The following SUPT16H variants were observed in gnomAD, a reference collection of about 807,000 sequenced individuals.
SUPT16H encodes SPT16 homolog, facilitates chromatin remodeling subunit.
A neutral mutation model predicts 136.2 loss-of-function variants in SUPT16H; 24 were observed. The ratio of observed to expected loss-of-function variants is 0.18; its 90% CI spans 0.13 to 0.25. The LOEUF is 0.25. Among genes scored for constraint, SUPT16H ranks in the 10% least tolerant of loss-of-function variants. The probability of loss-of-function intolerance (pLI) is 1.00; values close to 1 mark genes in which losing one functional copy is unlikely to be tolerated. For synonymous variants in SUPT16H, 415 were observed against 428.2 expected (o/e 0.97, Z 0.38); for missense variants, 623 against 1,270.2 (o/e 0.49, Z 7.74).
intron 2 of SUPT16H, chr14:21,372,336 A>C (rs1184414684): frequency 2.8e-6 from 1 of 353,520 alleles, no homozygotes; most frequent in Non-Finnish European, 5.2e-6. Context: ...TATAGGAAGT[A>C]TATCAATGTT....
At chr14:21,375,976 C>T (rs60066499) in intron 1 of SUPT16H, among the ~76,000 whole-genome samples, 5 of 152,212 alleles carry the variant, frequency 3.3e-5, no homozygotes, top group Non-Finnish European at 7.3e-5. Context: ...TATACTTCTT[C>T]TACAAGGGTT....
At position 21,369,666 on chromosome 14, in the gene SUPT16H, C is replaced by G. The variant is rs1322602158; in HGVS notation, c.630+84G>C. On this transcript the variant is annotated intron_variant, in intron 5 of 25. Transcript: ENST00000216297. ...GTGTCAGTCTTAATTTCAAAGGAAG[C>G]TGAAGAACACACCAACAGATTTGCA... The G allele has an allele frequency of 3.1e-5, 48 of 1,540,956 alleles. No homozygotes were observed. The East Asian group carries it at 1.0e-3, about 33-fold the overall frequency.
In SUPT16H at chr14:21,353,844, G is replaced by A. The variant is rs767138968; in HGVS notation, c.2791-12C>T. On this transcript the variant is annotated splice_polypyrimidine_tract_variant and intron_variant, in intron 23 of 25. Coordinates refer to ENST00000216297, the MANE Select transcript of SUPT16H (RefSeq NM_007192.4). ...TCAGCATCACTCCCCTGGTGAGTTA[G>A]AGCATAATACTGATTTTTTTTTGAC... 62 of 1,610,382 alleles carry A rather than the reference G, an allele frequency of 3.9e-5. No individual in the cohort carries two copies. Among genetic ancestry groups the A allele is most frequent in the Non-Finnish European group, 9.3e-6 (11 of 1,178,754 alleles).
At chr14:21,363,200 C>T (rs773004294) in intron 12 of SUPT16H, 33 bp downstream of exon 12, 12 of 1,613,878 alleles carry the variant, frequency 7.4e-6, no homozygotes, top group Admixed American at 3.3e-5. Context: ...ATATGACAGC[C>T]GAGATCAATG....
intron 12 of SUPT16H, 22 bp downstream of exon 12, chr14:21,363,211 T>C (rs774451563): frequency 1.2e-6 from 2 of 1,614,142 alleles, no homozygotes; most frequent in Non-Finnish European, 8.5e-7. Context: ...GAGATCAATG[T>C]AATTTAAAAT....
chr14:21,358,055 A>AC, intron 20 of SUPT16H, 53 bp from the exon 21 acceptor site: 1 of 1,495,116 alleles, frequency 6.7e-7, no homozygotes, highest in Non-Finnish European at 9.3e-7. Context: ...GACTGCTCCT[A>AC]CCACAACAGA....
chr14:21,372,748 A>G (rs1886815261), intron 2 of SUPT16H: 2 of 421,402 alleles, frequency 4.7e-6, no homozygotes, highest in South Asian at 3.4e-5. Context: ...ATTTTGTTTA[A>G]CTCACTGTTA....
At chr14:21,361,311 CTTTTTTTTT>C (rs35486887) in intron 15 of SUPT16H, 98 bp from the exon 16 acceptor site, 59 of 462,166 alleles carry the variant, frequency 1.3e-4, no homozygotes, top group East Asian at 3.1e-4. Context: ...CTCTACTTTG[CTTTTTTTTT>C]TTTTTTTTTT....
At chr14:21,381,562 GTTT>G (rs567730182) in intron 1 of SUPT16H, among the ~76,000 whole-genome samples, 1 of 145,020 alleles carries the variant, frequency 6.9e-6, no homozygotes. Context: ...AGTCATAACA[GTTT>G]TTTTTTTTAA....
intron 22 of SUPT16H, among the ~76,000 whole-genome samples, chr14:21,355,364 G>C (rs1054827877): frequency 2.0e-5 from 3 of 151,934 alleles, no homozygotes; most frequent in Non-Finnish European, 4.4e-5. Flanking sequence ...ATGGTAGCAC[G>C]CGCCTGTAGT....
At chr14:21,382,176 T>C (rs1392814635) in intron 1 of SUPT16H, among the ~76,000 whole-genome samples, 2 of 152,208 alleles carry the variant, frequency 1.3e-5, no homozygotes, top group Non-Finnish European at 2.9e-5. Context: ...GAAAGTCTTA[T>C]TCAAGTAAGT....
At chr14:21,377,076 G>GAAAAAA in intron 1 of SUPT16H, among the ~76,000 whole-genome samples, 519 of 110,586 alleles carry the variant, frequency 4.7e-3, no homozygotes, top group African/African-American at 8.6e-3. Context: ...GAAAGAAAAA[G>GAAAAAA]AAAAAAAAAA....
At chr14:21,383,805 GGTT>G (rs1887106622) in intron 1 of SUPT16H, 54 bp downstream of exon 1, 2 of 1,594,890 alleles carry the variant, frequency 1.3e-6, no homozygotes, top group South Asian at 2.2e-5. Context: ...CGAGAAACAG[GGTT>G]ATTATGGGAT....
At chr14:21,363,679 TTC>T (rs1886605832) in intron 10 of SUPT16H, among the ~76,000 whole-genome samples, 176 bp from the exon 11 acceptor site, 1 of 152,204 alleles carries the variant, frequency 6.6e-6, no homozygotes, top group African/African-American at 2.4e-5. Flanking sequence ...ACAATTTTTT[TTC>T]TTTTTCTTTT....
At chr14:21,378,277 A>G (rs1886948354) in intron 1 of SUPT16H, among the ~76,000 whole-genome samples, 1 of 152,224 alleles carries the variant, frequency 6.6e-6, no homozygotes, top group African/African-American at 2.4e-5. Flanking sequence ...TTTATTGGAA[A>G]AAATTAAGGC....
At chr14:21,373,537 C>A in intron 1 of SUPT16H, 107 bp from the exon 2 acceptor site, 1 of 892,318 alleles carries the variant, frequency 1.1e-6, no homozygotes, top group Non-Finnish European at 1.9e-6. Context: ...ATAGAAATTT[C>A]AAGTTTAAGG....
At chr14:21,361,044 T>C (rs776605915) in intron 16 of SUPT16H, 34 bp downstream of exon 16, 2 of 1,611,004 alleles carry the variant, frequency 1.2e-6, no homozygotes, top group African/African-American at 2.7e-5. Context: ...TGTCCTTCTT[T>C]GTGTAAGAAT....
rs1886715112 is a variant in SUPT16H at position 21,368,318 on chromosome 14, A to G, written c.906T>C (p.Tyr302=). The G allele has an allele frequency of 6.2e-7, 1 of 1,614,150 alleles. No individual in the cohort carries two copies. Among genetic ancestry groups the G allele is most frequent in the South Asian group, 1.1e-5 (1 of 91,068 alleles). Residue 302 remains tyrosine, a synonymous_variant, in exon 7 of 26, where the codon TAT becomes TAC. Coordinates refer to ENST00000216297, the MANE Select transcript of SUPT16H (RefSeq NM_007192.4). The part of the protein sequence containing the change: ...VDPSQEVQEN[Y]NFLLQLQEEL... The stretch of plus-strand genomic sequence containing the variant: ...CCTCTTGAAGCTGGAGCAAAAAGTT[A>G]TAATTTTCTTGAACTTCTTGAGAAG...
rs1886334711 is a variant in SUPT16H at position 21,352,515 on chromosome 14, C to T, written c.*158G>A. 2 of 1,206,452 alleles carry T rather than the reference C, an allele frequency of 1.7e-6. No homozygotes were observed. Among genetic ancestry groups the T allele is most frequent in the Non-Finnish European group, 1.2e-6 (1 of 863,590 alleles). The allele number at this position is 1,206,452 out of a possible 1,614,324, so 74.7% of individuals were successfully genotyped here. ...ACGTGTCCTGGTGGGCCTGGAATTC[C>T]CCGAGTAGATTGGTCCACACAAATG... is the stretch of plus-strand genomic sequence containing the variant. On this transcript the variant is annotated 3_prime_UTR_variant, in exon 26 of 26. Coordinates refer to ENST00000216297, the MANE Select transcript of SUPT16H (RefSeq NM_007192.4).
Sources: gnomAD v4.1 joint callset for allele counts (sites outside exome capture counted in the v4.1 genomes callset) on GRCh38, gnomAD v4.1.1 for gene constraint, MANE v1.5 for transcripts, NCBI Gene and HGNC (gene_info 2026-07-23, HGNC 2026-07-21) for gene names.